Variants in SPRR2B observed in about 807,000 individuals in gnomAD.
SPRR2B encodes small proline rich protein 2B.
Under a neutral mutation model 1.0 loss-of-function variants are expected in SPRR2B, and 1 was observed. The observed-to-expected ratio is 1.01, with a 90% CI of 0.36 to 4.77. SPRR2B has a LOEUF of 4.77. Among genes scored for constraint, SPRR2B ranks in the 30% most tolerant of loss-of-function variants. The probability of loss-of-function intolerance (pLI) is 0.16; values close to 1 mark genes in which losing one functional copy is unlikely to be tolerated. For missense variants in SPRR2B, 53 were observed against 88.7 expected, an observed-to-expected ratio of 0.60 and a Z score of 1.62; for synonymous variants, 27 against 33.4, an observed-to-expected ratio of 0.81 and a Z score of 0.66.
chr1:153,087,640 T>C, the SPRR2B span, among the ~76,000 whole-genome samples: 1 of 150,568 alleles, frequency 6.6e-6, no homozygotes, highest in Non-Finnish European at 1.5e-5. Context: ...AGCTAGAAAA[T>C]ATAGAAAAAA....
At chr1:153,072,427 A>C (rs1570989300), upstream of SPRR2B, among the ~76,000 whole-genome samples, 4 of 152,216 alleles carry the variant, frequency 2.6e-5, no homozygotes, top group Admixed American at 2.6e-4. Context: ...ACAAGCATTC[A>C]TTTTAAATCT....
chr1:153,087,361 C>T, the SPRR2B span, among the ~76,000 whole-genome samples: 1 of 151,762 alleles, frequency 6.6e-6, no homozygotes, highest in Non-Finnish European at 1.5e-5. Flanking sequence ...CAAGAGAAAA[C>T]TAACTGCAAA....
At chr1:153,074,630 C>T (rs1215276497), upstream of SPRR2B, among the ~76,000 whole-genome samples, 2 of 152,196 alleles carry the variant, frequency 1.3e-5, no homozygotes, top group African/African-American at 4.8e-5. Context: ...ACATGATTCT[C>T]ATCAACATTT....
chr1:153,086,328 G>A, the SPRR2B span, among the ~76,000 whole-genome samples: 1 of 152,122 alleles, frequency 6.6e-6, no homozygotes, highest in Non-Finnish European at 1.5e-5. Flanking sequence ...AAGGGATGGA[G>A]AAAAATCCAC....
chr1:153,080,621 A>T, the SPRR2B span, among the ~76,000 whole-genome samples: 2 of 152,236 alleles, frequency 1.3e-5, no homozygotes, highest in African/African-American at 4.8e-5. Context: ...AAATTTGTAC[A>T]GTAAAGGCTG....
At chr1:153,074,502 C>T (rs1191097937), upstream of SPRR2B, among the ~76,000 whole-genome samples, 4 of 152,072 alleles carry the variant, frequency 2.6e-5, no homozygotes, top group African/African-American at 9.7e-5. Flanking sequence ...ATGCTGAATC[C>T]AATAAATTAC....
At chr1:153,083,084 CT>C in the SPRR2B span, among the ~76,000 whole-genome samples, 1 of 152,118 alleles carries the variant, frequency 6.6e-6, no homozygotes. Context: ...TCTATGTCAG[CT>C]TATTGGATAA....
chr1:153,083,948 A>G, the SPRR2B span, among the ~76,000 whole-genome samples: 1 of 152,172 alleles, frequency 6.6e-6, no homozygotes, highest in Non-Finnish European at 1.5e-5. Context: ...TTGGACCTGA[A>G]TTCTGCAGGG....
At chr1:153,076,368 A>C (rs1213363109), upstream of SPRR2B, among the ~76,000 whole-genome samples, 5 of 152,198 alleles carry the variant, frequency 3.3e-5, no homozygotes, top group Non-Finnish European at 7.4e-5. Flanking sequence ...GCTTAGTGTT[A>C]ATGAGATTCA....
upstream of SPRR2B, among the ~76,000 whole-genome samples, chr1:153,076,571 G>C (rs1342840588): frequency 6.6e-6 from 1 of 152,072 alleles, no homozygotes; most frequent in Admixed American, 6.5e-5. Flanking sequence ...TGAGAGTCCT[G>C]AAAATTCTAC....
chr1:153,074,930 C>T (rs2101612994), upstream of SPRR2B, among the ~76,000 whole-genome samples: 1 of 152,324 alleles, frequency 6.6e-6, no homozygotes, highest in African/African-American at 2.4e-5. Context: ...TATAGCTCTA[C>T]ATTTGATCAC....
At chr1:153,083,811 A>C in the SPRR2B span, among the ~76,000 whole-genome samples, 1 of 152,246 alleles carries the variant, frequency 6.6e-6, no homozygotes, top group Non-Finnish European at 1.5e-5. Context: ...TGACAGAGGC[A>C]GCATGCCAGC....
the SPRR2B span, among the ~76,000 whole-genome samples, chr1:153,079,210 GTTTGT>G: frequency 9.2e-6 from 1 of 108,988 alleles, no homozygotes; most frequent in East Asian, 7.2e-4. Flanking sequence ...TGATGGGGTT[GTTTGT>G]TTTTTTTTCT....
In SPRR2B at chr1:153,070,297, C is replaced by T. The variant is rs765911241; in HGVS notation, c.*324G>A. On this transcript the variant is annotated 3_prime_UTR_variant, in exon 2 of 2. Transcript: ENST00000368755. ...TGCACAGGTGGTAGAAGCTCATGCC[C>T]AGGTGAAAGACAGACACAGAACACA... The T allele has an allele frequency of 3.8e-5, 18 of 473,218 alleles. No individual in the cohort carries two copies. Among genetic ancestry groups the T allele is most frequent in the Non-Finnish European group, 6.6e-5 (18 of 271,768 alleles). 29.3% of individuals were successfully genotyped at this position (473,218 alleles called of 1,614,324 possible).
the SPRR2B span, among the ~76,000 whole-genome samples, chr1:153,080,843 A>G: frequency 6.6e-6 from 1 of 152,232 alleles, no homozygotes; most frequent in African/African-American, 2.4e-5. Flanking sequence ...CATTCAAATA[A>G]TTATGGCAGC....
chr1:153,071,461 G>C (rs1470717363), intron 1 of SPRR2B, among the ~76,000 whole-genome samples, 108 bp downstream of exon 1: 2 of 152,010 alleles, frequency 1.3e-5, no homozygotes, highest in Non-Finnish European at 2.9e-5. Context: ...CATCCACTAA[G>C]TACCATCAAA....
chr1:153,077,679 T>A, the SPRR2B span, among the ~76,000 whole-genome samples: 774 of 152,048 alleles, frequency 5.1e-3, 8 homozygotes, highest in African/African-American at 0.018. Flanking sequence ...TGCAGTGGCA[T>A]GATCTTGGTT....
At chr1:153,080,968 A>T in the SPRR2B span, among the ~76,000 whole-genome samples, 3 of 152,344 alleles carry the variant, frequency 2.0e-5, no homozygotes, top group Admixed American at 2.0e-4. Context: ...ACATGGAATG[A>T]CCTGTCAAGA....
chr1:153,084,132 G>A, the SPRR2B span, among the ~76,000 whole-genome samples: 6 of 152,130 alleles, frequency 3.9e-5, no homozygotes, highest in Admixed American at 6.5e-5. Flanking sequence ...GAACTCCAGC[G>A]AGGCAGCTGC....
Sources: gnomAD v4.1 joint callset for allele counts (sites outside exome capture counted in the v4.1 genomes callset) on GRCh38, gnomAD v4.1.1 for gene constraint, MANE v1.5 for transcripts, NCBI Gene and HGNC (gene_info 2026-07-23, HGNC 2026-07-21) for gene names.